The following CDH22 variants were observed in gnomAD, a reference collection of about 807,000 sequenced individuals.
CDH22 encodes cadherin 22, also known as cadherin-22.
A neutral mutation model predicts 58.4 loss-of-function variants in CDH22; 30 were observed. The observed-to-expected ratio is 0.51, with a 90% CI of 0.38 to 0.70. CDH22 has a LOEUF of 0.70. Among genes scored for constraint, CDH22 ranks in the 30% least tolerant of loss-of-function variants. The pLI, the probability that CDH22 is intolerant of heterozygous loss-of-function variation, is 0.00. For missense variants in CDH22, 1,014 were observed against 1,233.9 expected (o/e 0.82, Z 2.67); for synonymous variants, 513 against 558.2 (o/e 0.92, Z 1.14).
In CDH22 at chr20:46,213,267, G is replaced by T. The variant is rs948941818; in HGVS notation, c.839-79C>A. 8.6e-6 allele frequency: 9 copies of T among 1,045,746 alleles called. No individual in the cohort carries two copies. In the African/African-American group the frequency reaches 1.2e-4, roughly 14 times the overall value. The allele number at this position is 1,045,746 out of a possible 1,614,324, so 64.8% of individuals were successfully genotyped here. On this transcript the variant is annotated intron_variant, in intron 5 of 11. Transcript: ENST00000537909. ...TGCCAGCAGTGGGGGAGGGGACAAG[G>T]GGGCCCAGGTGAGCCTCTATGGAGG...
At chr20:46,192,394 A>T (rs2085867095) in intron 8 of CDH22, among the ~76,000 whole-genome samples, 2 of 152,144 alleles carry the variant, frequency 1.3e-5, no homozygotes, top group African/African-American at 4.8e-5. Flanking sequence ...GAAACAGTCT[A>T]GTGCTGGGAC....
At chr20:46,246,246 G>A (rs1024684288) in intron 2 of CDH22, among the ~76,000 whole-genome samples, 5 of 152,128 alleles carry the variant, frequency 3.3e-5, no homozygotes, top group Non-Finnish European at 7.4e-5. Flanking sequence ...AAGCCTCCCC[G>A]GGATGAGGGG....
At chr20:46,301,053 T>C (rs1462663110) in intron 1 of CDH22, among the ~76,000 whole-genome samples, 1 of 152,216 alleles carries the variant, frequency 6.6e-6, no homozygotes, top group East Asian at 1.9e-4. Context: ...GAGGCATATG[T>C]ATAAAGCAAG....
At chr20:46,250,424 G>A (rs1056866870) in intron 2 of CDH22, among the ~76,000 whole-genome samples, 1 of 152,212 alleles carries the variant, frequency 6.6e-6, no homozygotes, top group Non-Finnish European at 1.5e-5. Flanking sequence ...AGCCTGGTGT[G>A]GGCAAGAAGG....
chr20:46,190,274 G>A (rs1263317598), intron 8 of CDH22, among the ~76,000 whole-genome samples: 2 of 152,202 alleles, frequency 1.3e-5, no homozygotes. Flanking sequence ...CCACTTTCTG[G>A]ATGAGGAAAC....
intron 1 of CDH22, among the ~76,000 whole-genome samples, chr20:46,258,344 C>T (rs1413264013): frequency 6.6e-6 from 1 of 152,090 alleles, no homozygotes; most frequent in Non-Finnish European, 1.5e-5. Context: ...AGGCTCAGGA[C>T]ACAAATCAGC....
In CDH22 at chr20:46,210,408, C is replaced by A; in HGVS notation, c.1185G>T (p.Arg395=). 4 of 1,462,666 alleles carry A rather than the reference C, an allele frequency of 2.7e-6. No homozygotes were observed. Among genetic ancestry groups the A allele is most frequent in the Non-Finnish European group, 3.6e-6 (4 of 1,107,476 alleles). 90.6% of individuals were successfully genotyped at this position (1,462,666 alleles called of 1,614,324 possible). ...VTDVDEPPEF[R]PPSGLLEVQE... is the part of the protein sequence containing the mutation. ...GCACCTCCAGGAGGCCGGAGGGCGG[C>A]CGGAACTCGGGGGGCTCGTCCACGT... The change falls in exon 7 of 12, where the codon CGG becomes CGT. Residue 395 remains arginine, a synonymous_variant. Coordinates refer to ENST00000537909, the MANE Select transcript of CDH22 (RefSeq NM_021248.3). The surrounding 1 kb of genome is among the most constrained non-coding windows in gnomAD (Gnocchi z 4.5).
In CDH22 at chr20:46,210,036, C is replaced by T; in HGVS notation, c.1286+271G>A. ...GCGGAGACCCCGCCAGTGCAGTGCC[C>T]GCCTCTGTGTCTGTCCCTCCTGGTT... On this transcript the variant is annotated intron_variant, in intron 7 of 11. Coordinates refer to ENST00000537909, the MANE Select transcript of CDH22 (RefSeq NM_021248.3). This position sits in a 1 kb window ranked among gnomAD's most constrained non-coding sequence, Gnocchi z 4.5. 2.6e-6 allele frequency: 1 copy of T among 381,242 alleles called. No homozygotes were observed. Among genetic ancestry groups the T allele is most frequent in the Non-Finnish European group, 4.7e-6 (1 of 212,960 alleles). The allele number at this position is 381,242 out of a possible 1,614,324, so 23.6% of individuals were successfully genotyped here.
At chr20:46,243,709 T>A (rs916790983) in intron 2 of CDH22, among the ~76,000 whole-genome samples, 2 of 152,170 alleles carry the variant, frequency 1.3e-5, no homozygotes, top group South Asian at 2.1e-4. Flanking sequence ...CTGTTCCCTT[T>A]TGGGGTGCCT....
intron 1 of CDH22, among the ~76,000 whole-genome samples, chr20:46,304,652 G>A (rs1312987004): frequency 1.3e-5 from 2 of 152,220 alleles, no homozygotes; most frequent in Non-Finnish European, 2.9e-5. Context: ...GGGGCATGGA[G>A]GGAAATGTGG....
intron 1 of CDH22, among the ~76,000 whole-genome samples, chr20:46,266,271 G>T (rs2086459162): frequency 6.6e-6 from 1 of 152,188 alleles, no homozygotes; most frequent in African/African-American, 2.4e-5. Context: ...AACTGAGGTG[G>T]CCCCAGGTGG....
intron 1 of CDH22, among the ~76,000 whole-genome samples, chr20:46,298,346 G>A (rs2086637544): frequency 6.6e-6 from 1 of 152,154 alleles, no homozygotes; most frequent in Admixed American, 6.5e-5. Flanking sequence ...TTTAGTATCA[G>A]GTATCTTCAA....
At chr20:46,250,990 G>T in intron 2 of CDH22, 50 bp downstream of exon 2, 1 of 1,123,428 alleles carries the variant, frequency 8.9e-7, no homozygotes, top group Non-Finnish European at 1.3e-6. Flanking sequence ...TCTACCCGTG[G>T]GTGTCCCCAG....
At chr20:46,295,187 A>AC (rs2086623499) in intron 1 of CDH22, among the ~76,000 whole-genome samples, 1 of 152,196 alleles carries the variant, frequency 6.6e-6, no homozygotes, top group Non-Finnish European at 1.5e-5. Flanking sequence ...TCTCCATGCA[A>AC]CGTCCTTTGG....
At chr20:46,233,005 G>A (rs2086229918) in intron 3 of CDH22, among the ~76,000 whole-genome samples, 1 of 152,222 alleles carries the variant, frequency 6.6e-6, no homozygotes, top group African/African-American at 2.4e-5. Flanking sequence ...AGGGACAGAA[G>A]TTCGTGGGGC....
rs1049770132 is a variant in CDH22, at chr20:46,210,482, C to T, written c.1111G>A (p.Asp371Asn). ...GCCTGGTCGCGGAACGTGCCCAGGT[C>T]GGCGAAGCGGGGGTCCACGAACTTG... ...LNKFVDPRFA[D>N]LGTFRDQAIV... The change falls in exon 7 of 12, where the codon GAC becomes AAC. Residue 371 changes from aspartate to asparagine, a missense_variant. Around this residue, in one of 2 missense-constraint regions of CDH22, gnomAD observed 806 missense variants for 1,038.7 expected, o/e 0.78. Coordinates refer to ENST00000537909, the MANE Select transcript of CDH22 (RefSeq NM_021248.3). The surrounding 1 kb of genome is among the most constrained non-coding windows in gnomAD (Gnocchi z 4.5). 10 of 1,431,910 alleles carry T rather than the reference C, an allele frequency of 7.0e-6. No individual in the cohort carries two copies. The highest frequency in any genetic ancestry group is 9.2e-6 in the Non-Finnish European group (10 of 1,089,876). The allele number at this position is 1,431,910 out of a possible 1,614,324, so 88.7% of individuals were successfully genotyped here. A position where few individuals can be genotyped will look rare whatever the true frequency, so the allele number is the denominator to read the frequency against.
chr20:46,239,958 A>T (rs919128802), intron 3 of CDH22, among the ~76,000 whole-genome samples: 2 of 152,094 alleles, frequency 1.3e-5, no homozygotes, highest in African/African-American at 4.8e-5. Flanking sequence ...GTCTACACAG[A>T]GATGTATATT....
chr20:46,257,698 G>C (rs1209979392), intron 1 of CDH22, among the ~76,000 whole-genome samples: 1 of 152,222 alleles, frequency 6.6e-6, no homozygotes, highest in Admixed American at 6.5e-5. Context: ...GCAGGCTCCT[G>C]TACCTATGGC....
chr20:46,209,159 T>C (rs2086021053), intron 7 of CDH22, among the ~76,000 whole-genome samples: 1 of 152,040 alleles, frequency 6.6e-6, no homozygotes, highest in Non-Finnish European at 1.5e-5. Flanking sequence ...AGTTGAAATT[T>C]TAGGAAGAGT....
Sources: allele counts gnomAD v4.1 joint callset (sites outside exome capture counted in the v4.1 genomes callset), GRCh38; gene constraint gnomAD v4.1.1; regional missense constraint gnomAD v4.1.1; non-coding constraint Gnocchi (gnomAD v3.1); transcripts MANE v1.5; gene names NCBI Gene and HGNC (gene_info 2026-07-23, HGNC 2026-07-21).